EFNA5: variants seen among roughly 807,000 people sequenced by gnomAD.
The protein encoded by EFNA5 is ephrin-A5.
In EFNA5, 5 loss-of-function variants were observed where a neutral mutation model predicts 22.9. The observed-to-expected ratio is 0.22, with a 90% confidence interval of 0.11 to 0.46. EFNA5 has a LOEUF of 0.46. Ranked by LOEUF, EFNA5 falls within the 20% of genes least tolerant of loss-of-function variation. The pLI is 0.99. For synonymous variants in EFNA5, 113 were observed against 112.2 expected, an observed-to-expected ratio of 1.01 and a Z score of -0.04; for missense variants, 237 against 293.3, an observed-to-expected ratio of 0.81 and a Z score of 1.40.
intron 1 of EFNA5, among the ~76,000 whole-genome samples, chr5:107,491,609 A>C (rs1381266035): frequency 6.6e-6 from 1 of 151,398 alleles, no homozygotes; most frequent in African/African-American, 2.4e-5. Context: ...CCGCACCCAG[A>C]CTGTTCTTTC....
At chr5:107,543,075 G>C (rs1160435934) in intron 1 of EFNA5, among the ~76,000 whole-genome samples, 1 of 152,208 alleles carries the variant, frequency 6.6e-6, no homozygotes, top group Non-Finnish European at 1.5e-5. Flanking sequence ...CCAGGAACCT[G>C]TGTTCCCAAG....
chr5:107,494,858 G>C (rs1021200566), intron 1 of EFNA5, among the ~76,000 whole-genome samples: 2 of 152,002 alleles, frequency 1.3e-5, no homozygotes, highest in African/African-American at 4.8e-5. Flanking sequence ...CCTGTGTCTA[G>C]CTCAGGGTGC....
chr5:107,437,376 G>A (rs1315080346), intron 1 of EFNA5, among the ~76,000 whole-genome samples: 2 of 152,284 alleles, frequency 1.3e-5, no homozygotes, highest in East Asian at 3.9e-4. Context: ...GGCCAGTTAG[G>A]ACCTTGTGAG....
chr5:107,600,739 G>A (rs1286073466), intron 1 of EFNA5, among the ~76,000 whole-genome samples: 1 of 151,914 alleles, frequency 6.6e-6, no homozygotes, highest in South Asian at 2.1e-4. Context: ...CCACCCGCCT[G>A]AGTCTCCCAA....
chr5:107,642,955 T>C (rs1298113694), intron 1 of EFNA5, among the ~76,000 whole-genome samples: 1 of 149,752 alleles, frequency 6.7e-6, no homozygotes, highest in African/African-American at 2.5e-5. Context: ...AAAAAACTAA[T>C]CTAGACGATC....
At chr5:107,511,566 T>C (rs894008273) in intron 1 of EFNA5, among the ~76,000 whole-genome samples, 3 of 152,300 alleles carry the variant, frequency 2.0e-5, no homozygotes, top group East Asian at 1.9e-4. Flanking sequence ...TAAATCTATA[T>C]TTTGCTATTG....
chr5:107,636,909 A>C (rs1750383759), intron 1 of EFNA5, among the ~76,000 whole-genome samples: 1 of 152,242 alleles, frequency 6.6e-6, no homozygotes, highest in African/African-American at 2.4e-5. Context: ...AGTGTTTTAC[A>C]AATATTTCAG....
At chr5:107,523,450 A>T (rs1307539966) in intron 1 of EFNA5, among the ~76,000 whole-genome samples, 1 of 152,214 alleles carries the variant, frequency 6.6e-6, no homozygotes, top group Admixed American at 6.5e-5. Context: ...GCAAACACCC[A>T]AAAGGCTACA....
At chr5:107,516,575 A>T (rs574357758) in intron 1 of EFNA5, among the ~76,000 whole-genome samples, 206 of 152,300 alleles carry the variant, frequency 1.4e-3, no homozygotes, top group African/African-American at 4.8e-3. Context: ...TGTTCCTCCC[A>T]AACTGCTTCT....
At chr5:107,457,440 T>G (rs1561394630) in intron 1 of EFNA5, among the ~76,000 whole-genome samples, 1 of 152,192 alleles carries the variant, frequency 6.6e-6, no homozygotes. Flanking sequence ...CCTATGCACA[T>G]TCTCCTGTAT....
intron 1 of EFNA5, among the ~76,000 whole-genome samples, chr5:107,553,709 C>T (rs1336458418): frequency 6.6e-6 from 1 of 152,178 alleles, no homozygotes; most frequent in Non-Finnish European, 1.5e-5. Flanking sequence ...GGGAATTCTA[C>T]AGAATTCACT....
At position 107,446,626 on chromosome 5, in the gene EFNA5, C is replaced by T. The variant is rs577380728; in HGVS notation, c.126-19117G>A. Among the ~76,000 whole-genome samples, 187 of 152,006 alleles carry T rather than the reference C, an allele frequency of 1.2e-3. 2 individuals carry two copies. Among genetic ancestry groups the T allele is most frequent in the African/African-American group, 4.4e-3 (181 of 41,458 alleles). On this transcript the variant is annotated intron_variant, in intron 1 of 4. Coordinates refer to ENST00000333274, the MANE Select transcript of EFNA5 (RefSeq NM_001962.3). ...AAAATTAGCTGGGCATGGTGGCGGG[C>T]GCCTGTAGTCCCAGCTACTCAGGAG...
intron 1 of EFNA5, among the ~76,000 whole-genome samples, chr5:107,439,653 G>C (rs1749204017): frequency 6.6e-6 from 1 of 152,154 alleles, no homozygotes; most frequent in African/African-American, 2.4e-5. Context: ...TGGCTGCTCT[G>C]AGGCGAGAAG....
intron 1 of EFNA5, among the ~76,000 whole-genome samples, chr5:107,605,011 A>C (rs1749682493): frequency 6.6e-6 from 1 of 152,138 alleles, no homozygotes; most frequent in East Asian, 1.9e-4. Flanking sequence ...GGCCTAAACT[A>C]GTTAAACTAG....
intron 1 of EFNA5, among the ~76,000 whole-genome samples, chr5:107,486,519 T>C (rs1312473331): frequency 6.6e-6 from 1 of 152,124 alleles, no homozygotes; most frequent in Non-Finnish European, 1.5e-5. Context: ...AAGAAAGACA[T>C]CAGTTTATAG....
chr5:107,433,397 G>A (rs1269308762), intron 1 of EFNA5, among the ~76,000 whole-genome samples: 2 of 152,080 alleles, frequency 1.3e-5, no homozygotes, highest in Non-Finnish European at 2.9e-5. Flanking sequence ...GTACTTTATG[G>A]TAGTTCTTGA....
At chr5:107,528,330 T>C (rs1747740556) in intron 1 of EFNA5, among the ~76,000 whole-genome samples, 1 of 152,224 alleles carries the variant, frequency 6.6e-6, no homozygotes, top group African/African-American at 2.4e-5. Context: ...ATAATGTCTT[T>C]TACAAAGCTA....
intron 1 of EFNA5, among the ~76,000 whole-genome samples, chr5:107,653,632 A>G (rs1205048095): frequency 6.6e-6 from 1 of 152,194 alleles, no homozygotes; most frequent in African/African-American, 2.4e-5. Context: ...TAGAGGGAAG[A>G]GGGGTATGGA....
chr5:107,399,373 G>GAGGA (rs1177783431), intron 2 of EFNA5, among the ~76,000 whole-genome samples: 3 of 85,990 alleles, frequency 3.5e-5, no homozygotes, highest in African/African-American at 9.5e-5. Context: ...AGGAAGGAGG[G>GAGGA]AGGAAGGAAG....
Sources: gnomAD v4.1 joint callset for allele counts (sites outside exome capture counted in the v4.1 genomes callset) on GRCh38, gnomAD v4.1.1 for gene constraint, MANE v1.5 for transcripts, NCBI Gene and HGNC (gene_info 2026-07-23, HGNC 2026-07-21) for gene names.